Variants in RFX8 observed in about 807,000 individuals in gnomAD.
RFX8 encodes DNA-binding protein RFX8.
A neutral mutation model predicts 54.6 loss-of-function variants in RFX8; 46 were observed. That is an observed-to-expected ratio of 0.84 (90% CI 0.67 to 1.08). The LOEUF (loss-of-function observed/expected upper bound fraction) is 1.08, where lower values mean the gene tolerates loss of function less well. RFX8 is among the 50% of genes least tolerant of loss of function. The pLI, the probability that RFX8 is intolerant of heterozygous loss-of-function variation, is 0.00. For missense variants in RFX8, 536 were observed against 562.3 expected, an observed-to-expected ratio of 0.95 and a Z score of 0.47; for synonymous variants, 192 against 209.5, an observed-to-expected ratio of 0.92 and a Z score of 0.72.
chr2:101,397,782 T>C, intron 11 of RFX8, 58 bp from the exon 12 acceptor site: 1 of 1,375,694 alleles, frequency 7.3e-7, no homozygotes. Context: ...CTATTCCTTG[T>C]TGCAGGAACT....
intron 2 of RFX8, among the ~76,000 whole-genome samples, chr2:101,429,527 G>A (rs1226187425): frequency 2.6e-5 from 4 of 152,134 alleles, no homozygotes; most frequent in African/African-American, 9.7e-5. Context: ...AACAGACTGG[G>A]TCCTATCTAT....
At chr2:101,461,025 T>C (rs1483247447) in intron 2 of RFX8, among the ~76,000 whole-genome samples, 1 of 149,924 alleles carries the variant, frequency 6.7e-6, no homozygotes, top group Non-Finnish European at 1.5e-5. Context: ...TCCCAGCACT[T>C]TGGGAGGCCG....
intron 8 of RFX8, 105 bp from the exon 9 acceptor site, chr2:101,410,818 C>G: frequency 1.6e-6 from 1 of 640,790 alleles, no homozygotes; most frequent in Non-Finnish European, 2.8e-6. Context: ...TGAACAATAG[C>G]TCGAAGGGAC....
At chr2:101,417,834 C>T in intron 5 of RFX8, 150 bp from the exon 6 acceptor site, 1 of 518,248 alleles carries the variant, frequency 1.9e-6, no homozygotes, top group Non-Finnish European at 3.3e-6. Flanking sequence ...AACGTGGCCA[C>T]TGCTTCCCAT....
chr2:101,441,716 C>T (rs1009859459), intron 2 of RFX8, among the ~76,000 whole-genome samples: 1 of 152,178 alleles, frequency 6.6e-6, no homozygotes, highest in Admixed American at 6.5e-5. Flanking sequence ...ATAGCCACTC[C>T]TGCTATCTGT....
At position 101,439,116 on chromosome 2, in the gene RFX8, T is replaced by C. The variant is rs180768330; in HGVS notation, c.73-16644A>G. Among the ~76,000 whole-genome samples the C allele has an allele frequency of 3.3e-5, 5 of 152,334 alleles. No individual in the cohort carries two copies. The East Asian group carries it at 7.7e-4, about 24-fold the overall frequency. ...GTGTGAGCCACCACGCCCGGCCTCA[T>C]TGTGGTTTTAATTTGTATTTCCACA... On this transcript the variant is annotated intron_variant, in intron 2 of 11. Coordinates refer to ENST00000428343, the MANE Select transcript of RFX8 (RefSeq NM_001145664.2).
At chr2:101,470,881 G>A (rs1251488427) in intron 1 of RFX8, among the ~76,000 whole-genome samples, 4 of 150,384 alleles carry the variant, frequency 2.7e-5, no homozygotes, top group Non-Finnish European at 1.5e-5. Context: ...CACCTCGCCC[G>A]GCTAATTTTT....
intron 9 of RFX8, among the ~76,000 whole-genome samples, chr2:101,410,391 TCA>T (rs5832965): frequency 0.27 from 31,769 of 119,486 alleles, 4,007 homozygotes; most frequent in African/African-American, 0.4. Context: ...ATGCCCACAC[TCA>T]CACACACACA....
rs10048674 is a variant in RFX8, at chr2:101,469,042, G to A, written c.-52-2142C>T. ...GGTATATATATATACGTATATATAT[G>A]TATATATATATACGTATATATATGT... is the stretch of plus-strand genomic sequence containing the variant. On this transcript the variant is annotated intron_variant, in intron 1 of 11. Transcript: ENST00000428343. Among the ~76,000 whole-genome samples the A allele has an allele frequency of 4.3e-3, 102 of 23,544 alleles. 3 individuals are homozygous for A. Among genetic ancestry groups the A allele is most frequent in the African/African-American group, 0.015 (97 of 6,636 alleles). 15.4% of individuals were successfully genotyped at this position (23,544 alleles called of 152,430 possible). A position where few individuals can be genotyped will look rare whatever the true frequency, so the allele number is the denominator to read the frequency against.
At chr2:101,401,582 T>C (rs1448063701) in intron 11 of RFX8, among the ~76,000 whole-genome samples, 4 of 152,280 alleles carry the variant, frequency 2.6e-5, no homozygotes, top group Non-Finnish European at 4.4e-5. Flanking sequence ...ACATCAAATA[T>C]GTGCAGAGAA....
At chr2:101,439,783 GCTTACTGCAACCTCCA>G (rs1276282117) in intron 2 of RFX8, among the ~76,000 whole-genome samples, 1 of 151,748 alleles carries the variant, frequency 6.6e-6, no homozygotes, top group African/African-American at 2.4e-5. Flanking sequence ...CACAATCTTG[GCTTACTGCAACCTCCA>G]CCTCCTGGGT....
At chr2:101,439,336 G>A (rs1286969744) in intron 2 of RFX8, among the ~76,000 whole-genome samples, 1 of 152,058 alleles carries the variant, frequency 6.6e-6, no homozygotes, top group Non-Finnish European at 1.5e-5. Context: ...TTTGTAGCTT[G>A]TCTTTCCCTC....
intron 9 of RFX8, among the ~76,000 whole-genome samples, chr2:101,408,207 C>A (rs1034036453): frequency 6.6e-6 from 1 of 151,878 alleles, no homozygotes; most frequent in Non-Finnish European, 1.5e-5. Flanking sequence ...GGAGGCTGGC[C>A]GGGCGCGGTG....
chr2:101,412,209 A>G (rs1161776753), intron 8 of RFX8, among the ~76,000 whole-genome samples: 1 of 152,176 alleles, frequency 6.6e-6, no homozygotes, highest in Non-Finnish European at 1.5e-5. Context: ...AGAGATGCCC[A>G]TAATTCATAA....
At chr2:101,421,328 C>G in intron 4 of RFX8, 1 of 991,008 alleles carries the variant, frequency 1.0e-6, no homozygotes, top group Non-Finnish European at 1.2e-6. Flanking sequence ...TGCCAGATCA[C>G]TCAGCTGCGA....
At chr2:101,422,669 A>G (rs6543043) in intron 2 of RFX8, among the ~76,000 whole-genome samples, 197 bp from the exon 3 acceptor site, 142,480 of 152,236 alleles carry the variant, frequency 0.94, 67,053 homozygotes, top group Non-Finnish European at 0.99. Context: ...CTGTAATTCT[A>G]TGAACGATGG....
chr2:101,465,417 C>T (rs975103089), intron 2 of RFX8, among the ~76,000 whole-genome samples: 9 of 151,988 alleles, frequency 5.9e-5, no homozygotes, highest in Admixed American at 4.6e-4. Flanking sequence ...GACTGAGGCA[C>T]GGGAATCGCT....
intron 2 of RFX8, among the ~76,000 whole-genome samples, chr2:101,427,807 C>T (rs1687263893): frequency 6.6e-6 from 1 of 152,204 alleles, no homozygotes; most frequent in South Asian, 2.1e-4. Flanking sequence ...GACTACAAAA[C>T]TGTGTCCTAC....
At chr2:101,444,015 T>C (rs1688242552) in intron 2 of RFX8, among the ~76,000 whole-genome samples, 1 of 152,074 alleles carries the variant, frequency 6.6e-6, no homozygotes, top group African/African-American at 2.4e-5. Context: ...GTCACTACTC[T>C]CCACCTGCAT....
Sources: gnomAD v4.1 joint callset for allele counts (sites outside exome capture counted in the v4.1 genomes callset) on GRCh38, gnomAD v4.1.1 for gene constraint, MANE v1.5 for transcripts, NCBI Gene and HGNC (gene_info 2026-07-23, HGNC 2026-07-21) for gene names.